The following IQANK1 variants were observed in gnomAD, a reference collection of about 807,000 sequenced individuals.
IQANK1 encodes the protein IQ motif and ankyrin repeat containing 1.
A neutral mutation model predicts 22.6 loss-of-function variants in IQANK1; 30 were observed. That is an observed-to-expected ratio of 1.33 (90% CI 0.99 to 1.80). The LOEUF (loss-of-function observed/expected upper bound fraction) is 1.80, where lower values mean the gene tolerates loss of function less well. Ranked by LOEUF, IQANK1 falls within the 40% of genes most tolerant of loss-of-function variation. The pLI, the probability that IQANK1 is intolerant of heterozygous loss-of-function variation, is 0.00. For synonymous variants in IQANK1, 122 were observed against 99.6 expected, an observed-to-expected ratio of 1.23 and a Z score of -1.34; for missense variants, 275 against 235.2, an observed-to-expected ratio of 1.17 and a Z score of -1.11.
chr8:143,786,529 A>G (rs1554631373), intron 7 of IQANK1, among the ~76,000 whole-genome samples: 1 of 152,238 alleles, frequency 6.6e-6, no homozygotes, highest in Non-Finnish European at 1.5e-5. Flanking sequence ...TTACCCATTT[A>G]TCTGTCCAAA....
intron 8 of IQANK1, 32 bp downstream of exon 8, chr8:143,789,095 G>A: frequency 2.5e-6 from 1 of 401,946 alleles, no homozygotes; most frequent in Non-Finnish European, 4.4e-6. Flanking sequence ...CTGGCGAGGG[G>A]TGCTGGCAAG....
intron 7 of IQANK1, among the ~76,000 whole-genome samples, chr8:143,779,870 C>A (rs1819760548): frequency 6.6e-6 from 1 of 152,178 alleles, no homozygotes; most frequent in African/African-American, 2.4e-5. Context: ...ATCACAATTT[C>A]TTTTAAGTTA....
rs73718152 is a variant in IQANK1 at position 143,735,199 on chromosome 8, C to T, written c.-4-651C>T. On this transcript the variant is annotated intron_variant, in intron 1 of 13. Coordinates refer to ENST00000527139, the MANE Select transcript of IQANK1 (RefSeq NM_001381874.1). The surrounding 1 kb of genome is among the most constrained non-coding windows in gnomAD (Gnocchi z 5.2). ...TCAGACCAGTGCCCAGGCAACTGTG[C>T]TGCAGCGGGTGAGGGGCATGGGGCA... 0.059 allele frequency among the ~76,000 whole-genome samples: 9,051 copies of T among 152,338 alleles called. 548 individuals carry two copies. The highest frequency in any genetic ancestry group is 0.16 in the African/African-American group (6,510 of 41,564).
At chr8:143,785,295 C>T in intron 7 of IQANK1, among the ~76,000 whole-genome samples, 1 of 136,286 alleles carries the variant, frequency 7.3e-6, no homozygotes. Context: ...CTTCCTCTGT[C>T]ACCCAGGCTA....
rs1819592664 is a variant in IQANK1, at chr8:143,772,242, A to G, written c.662A>G (p.Lys221Arg). 1 of 396,676 alleles carries G rather than the reference A, an allele frequency of 2.5e-6. No individual in the cohort carries two copies. 24.6% of individuals were successfully genotyped at this position (396,676 alleles called of 1,614,324 possible). Residue 221 changes from lysine (K) to arginine (R), a missense_variant and splice_region_variant, in exon 6 of 14, where the codon AAG (lysine) becomes AGG (arginine). Lys to Arg is a conservative substitution (Grantham distance 26). Coordinates refer to ENST00000527139, the MANE Select transcript of IQANK1 (RefSeq NM_001381874.1). Reference sequence around the variant, plus strand: ...GAGCTCGGCGCCAGCCCCAACAGCAAGGTGGGCGCCGTGGGCCGCGGGCCG... The same window carrying G: ...GAGCTCGGCGCCAGCCCCAACAGCAGGGTGGGCGCCGTGGGCCGCGGGCCG... ...RAELGASPNS[K>R]GAFGPTPLYR... is the part of the protein sequence containing the mutation.
chr8:143,775,864 A>G (rs1225572133), intron 7 of IQANK1, among the ~76,000 whole-genome samples: 2 of 151,960 alleles, frequency 1.3e-5, no homozygotes, highest in Non-Finnish European at 2.9e-5. Flanking sequence ...GTCTGAGATG[A>G]AAAGTACATT....
chr8:143,753,236 A>G (rs1554628247), intron 3 of IQANK1, among the ~76,000 whole-genome samples: 1 of 150,862 alleles, frequency 6.6e-6, no homozygotes, highest in African/African-American at 2.4e-5. Flanking sequence ...CTGGTCTTCA[A>G]CTCCTGGGGT....
At position 143,755,727 on chromosome 8, in the gene IQANK1, A is replaced by G. The variant is rs534568225; in HGVS notation, c.176-15761A>G. On this transcript the variant is annotated intron_variant, in intron 3 of 13. Coordinates refer to ENST00000527139, the MANE Select transcript of IQANK1 (RefSeq NM_001381874.1). ...CATCATTGCAGTCAAGAACAAATTC[A>G]TATCTAGAATCCATTCCTCCAGTGA... Among the ~76,000 whole-genome samples the G allele has an allele frequency of 3.9e-5, 6 of 152,318 alleles. No homozygotes were observed. The East Asian group carries it at 5.8e-4, about 15-fold the overall frequency.
Position 143,736,189 on chromosome 8 carries a change from G to A in IQANK1, c.85+251G>A, listed in dbSNP as rs183726195. ...GGAGTCTCGCTCTTGTCACCCAGTC[G>A]AGTGCAATGGCGCAATCCCTCCTCA... On this transcript the variant is annotated intron_variant, in intron 2 of 13. Transcript: ENST00000527139. 1.4e-3 allele frequency among the ~76,000 whole-genome samples: 213 copies of A among 148,912 alleles called. 1 individual carries two copies. Among genetic ancestry groups the A allele is most frequent in the African/African-American group, 4.9e-3 (199 of 40,342 alleles).
rs189763411 is a variant in IQANK1, at chr8:143,789,142, G to T, written c.939-47G>T. ...GGGAGCCCGGGCAGGGGGTGCTGGT[G>T]GGGGCGCTGGCGGAAGCCTCTGTCC... On this transcript the variant is annotated intron_variant, in intron 8 of 13. Coordinates refer to ENST00000527139, the MANE Select transcript of IQANK1 (RefSeq NM_001381874.1). The T allele has an allele frequency of 3.2e-3, 1,275 of 401,058 alleles. 2 individuals are homozygous for T. Among genetic ancestry groups the T allele is most frequent in the Non-Finnish European group, 4.2e-3 (964 of 227,700 alleles). 24.8% of individuals were successfully genotyped at this position (401,058 alleles called of 1,614,324 possible).
chr8:143,761,905 C>T (rs1201740276), intron 3 of IQANK1, among the ~76,000 whole-genome samples: 1 of 151,162 alleles, frequency 6.6e-6, no homozygotes, highest in Non-Finnish European at 1.5e-5. Flanking sequence ...TGTATACATT[C>T]TCCCTCTATA....
At chr8:143,783,514 T>C (rs1486104942) in intron 7 of IQANK1, among the ~76,000 whole-genome samples, 3 of 152,232 alleles carry the variant, frequency 2.0e-5, no homozygotes, top group Admixed American at 1.3e-4. Flanking sequence ...GTATTATAGG[T>C]GTCTTCTGTC....
intron 2 of IQANK1, among the ~76,000 whole-genome samples, chr8:143,738,038 G>A (rs1345349707): frequency 6.6e-6 from 1 of 152,172 alleles, no homozygotes; most frequent in Non-Finnish European, 1.5e-5. Context: ...CTCTGGCCTG[G>A]CCACCCTGGG....
intron 3 of IQANK1, among the ~76,000 whole-genome samples, chr8:143,768,150 TG>T (rs1434389753): frequency 6.6e-6 from 1 of 151,820 alleles, no homozygotes; most frequent in Non-Finnish European, 1.5e-5. Context: ...CCCAAAGTGC[TG>T]GGGTTACAGG....
intron 3 of IQANK1, among the ~76,000 whole-genome samples, chr8:143,748,601 CAT>C (rs1401377545): frequency 5.2e-5 from 6 of 115,864 alleles, no homozygotes; most frequent in African/African-American, 1.3e-4. Flanking sequence ...TGATATATAT[CAT>C]ATATAATATA....
At chr8:143,767,956 T>C (rs1554629376) in intron 3 of IQANK1, among the ~76,000 whole-genome samples, 1 of 127,054 alleles carries the variant, frequency 7.9e-6, no homozygotes, top group Non-Finnish European at 1.6e-5. Flanking sequence ...CAATCTTGGC[T>C]CACTGCAAGC....
At position 143,735,505 on chromosome 8, in the gene IQANK1, C is replaced by T. The variant is rs571080093; in HGVS notation, c.-4-345C>T. 6.6e-6 allele frequency among the ~76,000 whole-genome samples: 1 copy of T among 152,072 alleles called. No individual in the cohort carries two copies. The highest frequency in any genetic ancestry group is 1.5e-5 in the Non-Finnish European group (1 of 68,002). The stretch of plus-strand genomic sequence containing the variant: ...TCATGATTACGGTGAGAACAAAGAC[C>T]GGCCCACTGGCAACCCAGCAGCTTG... On this transcript the variant is annotated intron_variant, in intron 1 of 13. Coordinates refer to ENST00000527139, the MANE Select transcript of IQANK1 (RefSeq NM_001381874.1). The surrounding 1 kb of genome is among the most constrained non-coding windows in gnomAD (Gnocchi z 5.2).
chr8:143,781,951 A>G (rs1329316281), intron 7 of IQANK1, among the ~76,000 whole-genome samples: 1 of 152,202 alleles, frequency 6.6e-6, no homozygotes, highest in Non-Finnish European at 1.5e-5. Flanking sequence ...ATCCGTGAGC[A>G]TGGGATGTTT....
chr8:143,755,175 G>C (rs1819268377), intron 3 of IQANK1, among the ~76,000 whole-genome samples: 1 of 152,092 alleles, frequency 6.6e-6, no homozygotes, highest in African/African-American at 2.4e-5. Context: ...ATATTCTCAG[G>C]ATACAATCTC....
Sources: allele counts gnomAD v4.1 joint callset (sites outside exome capture counted in the v4.1 genomes callset), GRCh38; gene constraint gnomAD v4.1.1; non-coding constraint Gnocchi (gnomAD v3.1); transcripts MANE v1.5; gene names NCBI Gene and HGNC (gene_info 2026-07-23, HGNC 2026-07-21).